Variants in MTMR11 observed in about 807,000 individuals in gnomAD.
MTMR11 encodes the protein myotubularin related protein 11, also known as myotubularin-related protein 11.
MTMR11 carries 89 observed loss-of-function variants against 100.0 expected under a neutral mutation model. The observed-to-expected ratio is 0.89, with a 90% CI of 0.75 to 1.06. The LOEUF is 1.06. MTMR11 is among the 50% of genes least tolerant of loss of function. MTMR11 has a pLI of 0.00. For missense variants in MTMR11, 809 were observed against 873.7 expected, an observed-to-expected ratio of 0.93 and a Z score of 0.93; for synonymous variants, 336 against 326.3, an observed-to-expected ratio of 1.03 and a Z score of -0.32.
chr1:149,934,657 G>A, intron 5 of MTMR11, 131 bp from the exon 6 acceptor site: 1 of 992,212 alleles, frequency 1.0e-6, no homozygotes, highest in Non-Finnish European at 1.5e-6. Context: ...CCCTAGAGAA[G>A]GGGGCTTCCT....
At position 149,936,746 on chromosome 1, in the gene MTMR11, T is replaced by A; in HGVS notation, c.-99A>T. Reference sequence around the variant, plus strand: ...GGCTGAGTCTTGTTGAGAAGAGGGGTGTTAGGGAGAGGGGTAGGGGGTTGG... The same window carrying A: ...GGCTGAGTCTTGTTGAGAAGAGGGGAGTTAGGGAGAGGGGTAGGGGGTTGG... On this transcript the variant is annotated 5_prime_UTR_variant, in exon 1 of 17. Transcript: ENST00000439741. 1.2e-6 allele frequency: 1 copy of A among 805,012 alleles called. No individual in the cohort carries two copies. Among genetic ancestry groups the A allele is most frequent in the South Asian group, 1.5e-5 (1 of 68,024 alleles). The allele number at this position is 805,012 out of a possible 1,614,324, so 49.9% of individuals were successfully genotyped here. A position where few individuals can be genotyped will look rare whatever the true frequency, so the allele number is the denominator to read the frequency against.
In MTMR11 at chr1:149,933,387, G is replaced by T. The variant is rs368351924; in HGVS notation, c.985+19C>A. ...CCTAGGGGTGAGGGTGAGGGTTAGGGGTCAAAGGTTATTCTCACCAGGCAG... is the reference window on the plus strand; with the variant it reads ...CCTAGGGGTGAGGGTGAGGGTTAGGTGTCAAAGGTTATTCTCACCAGGCAG... On this transcript the variant is annotated intron_variant, in intron 10 of 16. Transcript: ENST00000439741. The T allele has an allele frequency of 6.2e-7, 1 of 1,613,768 alleles. No homozygotes were observed. Among genetic ancestry groups the T allele is most frequent in the Non-Finnish European group, 8.5e-7 (1 of 1,179,908 alleles).
intron 15 of MTMR11, 149 bp from the exon 16 acceptor site, chr1:149,930,065 C>T: frequency 1.2e-6 from 1 of 868,634 alleles, no homozygotes; most frequent in Non-Finnish European, 1.7e-6. Flanking sequence ...CTTCTACCCT[C>T]CTCATTAGGC....
rs1553768692 is a variant in MTMR11, at chr1:149,934,987, T to G, written c.467A>C (p.Gln156Pro). The change falls in exon 5 of 17, where the codon CAG becomes CCG. Residue 156 changes from glutamine to proline, a missense_variant and splice_region_variant. Transcript: ENST00000439741. ...AGCCTCAGGTTAGGGGCCTCTTACC[T>G]GAAAAGCCTGAGGCTCTAGGCCTCC... ...EAGGLEPQAF[Q>P]VTMAIVQARA... 6.2e-7 allele frequency: 1 copy of G among 1,613,474 alleles called. No individual in the cohort carries two copies.
Position 149,933,688 on chromosome 1 carries a change from C to T in MTMR11, c.782G>A (p.Trp261Ter). 6.2e-7 allele frequency: 1 copy of T among 1,614,180 alleles called. No homozygotes were observed. The highest frequency in any genetic ancestry group is 1.1e-5 in the South Asian group (1 of 91,082). ...FHQGRGPRLS[W>*]HHPGGSDLLR... ...AAGATCACTGCCCCCAGGGTGATGC[C>T]AGGACAAGCGCTTCACATGGGGCAG... Residue 261 changes from tryptophan to a stop codon, truncating the protein, a stop_gained, in exon 9 of 17, where the codon TGG (tryptophan) becomes TAG (stop). Coordinates refer to ENST00000439741, the MANE Select transcript of MTMR11 (RefSeq NM_001145862.2). LOFTEE classifies it high-confidence loss of function.
chr1:149,934,446 A>G lies in MTMR11; in HGVS notation c.547+2T>C. 1.2e-6 allele frequency: 2 copies of G among 1,614,172 alleles called. No homozygotes were observed. Among genetic ancestry groups the G allele is most frequent in the Non-Finnish European group, 1.7e-6 (2 of 1,180,008 alleles). On this transcript the variant is annotated splice_donor_variant, in intron 6 of 16. Coordinates refer to ENST00000439741, the MANE Select transcript of MTMR11 (RefSeq NM_001145862.2). LOFTEE classifies it high-confidence loss of function. ...TCCTTACCCTAAAGCACTCTCACTCACCAGCCTTGCTCAGGGTTATCCCCG... is the reference window on the plus strand; with the variant it reads ...TCCTTACCCTAAAGCACTCTCACTCGCCAGCCTTGCTCAGGGTTATCCCCG...
At position 149,929,266 on chromosome 1, in the gene MTMR11, G is replaced by A. The variant is rs781830518; in HGVS notation, c.1993C>T (p.Leu665Phe). The A allele has an allele frequency of 2.5e-6, 4 of 1,614,174 alleles. No homozygotes were observed. Among genetic ancestry groups the A allele is most frequent in the African/African-American group, 2.7e-5 (2 of 75,050 alleles). Residue 665 changes from leucine to phenylalanine, a missense_variant, in exon 17 of 17, where the codon CTT becomes TTT. By Grantham distance (22) the Leu-to-Phe change is conservative. Coordinates refer to ENST00000439741, the MANE Select transcript of MTMR11 (RefSeq NM_001145862.2). ...ISGLQDELSH[L>F]QELLRKWTPR... ...GTCCATTTCCGTAATAACTCCTGAAGATGGGATAGCTCATCCTGGAGGCCA... is the reference window on the plus strand; with the variant it reads ...GTCCATTTCCGTAATAACTCCTGAAAATGGGATAGCTCATCCTGGAGGCCA...
chr1:149,934,966 T>G lies in MTMR11; in HGVS notation c.468+20A>C, dbSNP rs587727820. The G allele has an allele frequency of 2.5e-6, 4 of 1,611,694 alleles. No individual in the cohort carries two copies. In the East Asian group the frequency reaches 8.9e-5, roughly 36 times the overall value. The stretch of plus-strand genomic sequence containing the variant: ...AAGGTTCTGAGGTGAGGAGAAAGCC[T>G]CAGGTTAGGGGCCTCTTACCTGAAA... On this transcript the variant is annotated intron_variant, in intron 5 of 16. Transcript: ENST00000439741.
At chr1:149,932,441 C>A in intron 10 of MTMR11, 111 bp from the exon 11 acceptor site, 1 of 821,160 alleles carries the variant, frequency 1.2e-6, no homozygotes, top group Non-Finnish European at 2.0e-6. Flanking sequence ...TTGTAAATGG[C>A]CAGGATGGTT....
intron 12 of MTMR11, 117 bp from the exon 13 acceptor site, chr1:149,931,543 G>T: frequency 1.0e-6 from 1 of 964,368 alleles, no homozygotes; most frequent in African/African-American, 1.7e-5. Context: ...GAAAGGTTTG[G>T]GGTAGGAGGA....
chr1:149,936,840 C>G lies in MTMR11; in HGVS notation c.-193G>C. On this transcript the variant is annotated 5_prime_UTR_variant, in exon 1 of 17. Coordinates refer to ENST00000439741, the MANE Select transcript of MTMR11 (RefSeq NM_001145862.2). ...GGGGTCCTTGGAAAGGTGTGTCCAG[C>G]CCAGCCTGAGAAGTCTCCTCGGAAA... 1.7e-6 allele frequency: 1 copy of G among 588,704 alleles called. No individual in the cohort carries two copies. Among genetic ancestry groups the G allele is most frequent in the Non-Finnish European group, 3.0e-6 (1 of 335,932 alleles). 36.5% of individuals were successfully genotyped at this position (588,704 alleles called of 1,614,324 possible).
In MTMR11 at chr1:149,930,502, G is replaced by A. The variant is rs377606749; in HGVS notation, c.1510C>T (p.Pro504Ser). The change falls in exon 15 of 17, where the codon CCA (proline) becomes TCA (serine). Residue 504 changes from proline (P) to serine (S), a missense_variant. Transcript: ENST00000439741. ...TGCAGGTTAAAAGAGTTCCCAGCTGGAGGCTGGGAGTATCCTGGGGTGTAG... is the reference window on the plus strand; with the variant it reads ...TGCAGGTTAAAAGAGTTCCCAGCTGAAGGCTGGGAGTATCCTGGGGTGTAG... ...QVYTPGYSQPPAGNSFNLQLS... is the reference protein window; with the variant it reads ...QVYTPGYSQPSAGNSFNLQLS... 64 of 1,613,806 alleles carry A rather than the reference G, an allele frequency of 4.0e-5. No homozygotes were observed. The Middle Eastern group carries it at 5.0e-4, about 13-fold the overall frequency.
Position 149,935,577 on chromosome 1 carries a change from A to G in MTMR11, c.264+7T>C, listed in dbSNP as rs782313294. 6.2e-7 allele frequency: 1 copy of G among 1,613,214 alleles called. No homozygotes were observed. ...AGCTGTCATTTCTGTGGCCCCAACC[A>G]TCTCACCTGATTCCACTGCCATCCA... On this transcript the variant is annotated splice_region_variant and intron_variant, in intron 3 of 16. Coordinates refer to ENST00000439741, the MANE Select transcript of MTMR11 (RefSeq NM_001145862.2).
At chr1:149,932,554 A>G (rs1313355862) in intron 10 of MTMR11, among the ~76,000 whole-genome samples, 1 of 152,226 alleles carries the variant, frequency 6.6e-6, no homozygotes, top group Non-Finnish European at 1.5e-5. Flanking sequence ...TATGTACATT[A>G]TGTCTCAATA....
Position 149,933,476 on chromosome 1 carries a change from A to C in MTMR11, c.915T>G (p.Thr305=). The change falls in exon 10 of 17, where the codon ACT becomes ACG. Residue 305 remains threonine, a synonymous_variant. Coordinates refer to ENST00000439741, the MANE Select transcript of MTMR11 (RefSeq NM_001145862.2). The part of the protein sequence containing the change: ...AGHSDVVLVD[T]MDELPSLADV... ...CTGCAAGGCTGGGCAGCTCATCCAT[A>C]GTGTCTACCAGGACAACATCTGAAT... 1 of 1,614,080 alleles carries C rather than the reference A, an allele frequency of 6.2e-7. No individual in the cohort carries two copies. Among genetic ancestry groups the C allele is most frequent in the South Asian group, 1.1e-5 (1 of 91,074 alleles).
In MTMR11 at chr1:149,936,210, A is replaced by T; in HGVS notation, c.86T>A (p.Met29Lys). 2 of 1,614,026 alleles carry T rather than the reference A, an allele frequency of 1.2e-6. No individual in the cohort carries two copies. The highest frequency in any genetic ancestry group is 2.7e-5 in the African/African-American group (2 of 74,978). ...PEMGSVQENR[M>K]PEPRSRQPSS... is the part of the protein sequence containing the mutation. The stretch of plus-strand genomic sequence containing the variant: ...AGGCTGACGACTCCTGGGCTCCGGC[A>T]TCCTATTTTCCTGGACAGACTTTGG... The change falls in exon 2 of 17, where the codon ATG becomes AAG. Residue 29 changes from methionine (M) to lysine (K), a missense_variant. Coordinates refer to ENST00000439741, the MANE Select transcript of MTMR11 (RefSeq NM_001145862.2).
chr1:149,934,942 A>C (rs781795072), intron 5 of MTMR11, 44 bp downstream of exon 5: 3 of 1,594,342 alleles, frequency 1.9e-6, no homozygotes, highest in Admixed American at 3.6e-5. Flanking sequence ...GAGGATCCCA[A>C]GGTTCTGAGG....
In MTMR11 at chr1:149,935,296, TACC is replaced by T. The variant is rs782367000; in HGVS notation, c.325_325+2del. Reference sequence around the variant, plus strand: ...CCCTTCACCAAACCCCCCCCCAACTTACCAGCCTCTAATCGTCCAATGTTGACC... The same window carrying T: ...CCCTTCACCAAACCCCCCCCCAACTTAGCCTCTAATCGTCCAATGTTGACC... On this transcript the variant is annotated splice_donor_variant and coding_sequence_variant, in exon 4 of 17. Transcript: ENST00000439741. LOFTEE classifies it high-confidence loss of function. 3.7e-6 allele frequency: 6 copies of T among 1,610,834 alleles called. No homozygotes were observed. The South Asian group carries it at 6.6e-5, about 18-fold the overall frequency.
At position 149,935,714 on chromosome 1, in the gene MTMR11, G is replaced by A. The variant is rs782323719; in HGVS notation, c.143-9C>T. On this transcript the variant is annotated splice_polypyrimidine_tract_variant and intron_variant, in intron 2 of 16. Transcript: ENST00000439741. Reference sequence around the variant, plus strand: ...TGCTAGGATCTGCTCCCCTAAAGGGGAAGAAGGGAAGCCCTGTTATGACTG... The same window carrying A: ...TGCTAGGATCTGCTCCCCTAAAGGGAAAGAAGGGAAGCCCTGTTATGACTG... 1.9e-6 allele frequency: 3 copies of A among 1,583,848 alleles called. No individual in the cohort carries two copies. Among genetic ancestry groups the A allele is most frequent in the East Asian group, 2.3e-5 (1 of 42,836 alleles).
Sources: allele counts gnomAD v4.1 joint callset (sites outside exome capture counted in the v4.1 genomes callset), GRCh38; gene constraint gnomAD v4.1.1; transcripts MANE v1.5; gene names NCBI Gene and HGNC (gene_info 2026-07-23, HGNC 2026-07-21).